The following XDH variants were observed in gnomAD, a reference collection of about 807,000 sequenced individuals.
XDH encodes the protein xanthine dehydrogenase.
A neutral mutation model predicts 156.1 loss-of-function variants in XDH; 138 were observed. That is an observed-to-expected ratio of 0.88 (90% CI 0.77 to 1.02). The LOEUF (loss-of-function observed/expected upper bound fraction) is 1.02, where lower values mean the gene tolerates loss of function less well. XDH is among the 50% of genes least tolerant of loss of function. XDH has a pLI of 0.00. For synonymous variants in XDH, 669 were observed against 625.7 expected, an observed-to-expected ratio of 1.07 and a Z score of -1.03; for missense variants, 1,849 against 1,684.9, an observed-to-expected ratio of 1.10 and a Z score of -1.71.
intron 16 of XDH, 77 bp downstream of exon 16, chr2:31,373,796 A>C: frequency 6.9e-7 from 1 of 1,438,878 alleles, no homozygotes; most frequent in South Asian, 1.2e-5. Context: ...GTTAGTCATT[A>C]GCCGATGGTC....
chr2:31,340,109 C>T (rs1685086587), intron 33 of XDH, among the ~76,000 whole-genome samples: 1 of 152,256 alleles, frequency 6.6e-6, no homozygotes, highest in African/African-American at 2.4e-5. Flanking sequence ...GCCCCCACTG[C>T]AGTTCAGCTT....
At chr2:31,374,680 T>A (rs916382931) in intron 15 of XDH, among the ~76,000 whole-genome samples, 29 of 152,344 alleles carry the variant, frequency 1.9e-4, no homozygotes, top group Admixed American at 1.6e-3. Flanking sequence ...CTGCTGTCCC[T>A]GCATCAGTGA....
Position 31,370,415 on chromosome 2 carries a change from A to G in XDH, c.1920T>C (p.Asp640=). The change falls in exon 18 of 36, where the codon GAT becomes GAC. Residue 640 remains aspartate (D), a synonymous_variant. Transcript: ENST00000379416. ...PGFVCFISAD[D]VPGSNITGIC... ...TTCCAGTTATGTTACTCCCAGGAAC[A>G]TCATCAGCGGAAATGAAACAAACAA... is the stretch of plus-strand genomic sequence containing the variant. The G allele has an allele frequency of 3.7e-6, 6 of 1,614,246 alleles. No individual in the cohort carries two copies. The highest frequency in any genetic ancestry group is 5.1e-6 in the Non-Finnish European group (6 of 1,180,038).
At chr2:31,381,901 G>A (rs901314135) in intron 11 of XDH, among the ~76,000 whole-genome samples, 175 bp from the exon 12 acceptor site, 5 of 152,110 alleles carry the variant, frequency 3.3e-5, no homozygotes, top group Admixed American at 6.5e-5. Context: ...TGAAAAATGC[G>A]CAAAATTTGA....
intron 31 of XDH, among the ~76,000 whole-genome samples, chr2:31,343,262 G>A (rs1001123469): frequency 6.1e-5 from 7 of 115,270 alleles, no homozygotes; most frequent in Non-Finnish European, 1.2e-4. Flanking sequence ...AACCTAGAAA[G>A]CATTGGCAAA....
intron 6 of XDH, among the ~76,000 whole-genome samples, chr2:31,390,277 T>C (rs1167454998): frequency 6.6e-6 from 1 of 152,244 alleles, no homozygotes; most frequent in African/African-American, 2.4e-5. Context: ...AATATGTAGC[T>C]TCTAAAGATT....
chr2:31,382,588 T>C (rs1262815911), intron 11 of XDH, among the ~76,000 whole-genome samples: 3 of 152,172 alleles, frequency 2.0e-5, no homozygotes, highest in Admixed American at 6.5e-5. Context: ...GTTCTCCCTA[T>C]AGCTCTGAAA....
chr2:31,336,814 T>TAAAA (rs1558670495), intron 35 of XDH, among the ~76,000 whole-genome samples: 1 of 2,278 alleles, frequency 4.4e-4, no homozygotes. Flanking sequence ...TATCGAATTT[T>TAAAA]AAAAAGAGAA....
chr2:31,340,537 T>C (rs1314309128), intron 33 of XDH, among the ~76,000 whole-genome samples: 2 of 152,132 alleles, frequency 1.3e-5, no homozygotes, highest in African/African-American at 4.8e-5. Flanking sequence ...TGGTGGGATC[T>C]TGGCTCCCTG....
chr2:31,341,502 G>T, intron 32 of XDH, 108 bp from the exon 33 acceptor site: 1 of 1,165,950 alleles, frequency 8.6e-7, no homozygotes, highest in Non-Finnish European at 1.3e-6. Context: ...CAAAGAGTAC[G>T]TTCCCAAGCA....
intron 4 of XDH, among the ~76,000 whole-genome samples, chr2:31,399,673 A>G (rs747812028): frequency 1.3e-5 from 2 of 152,222 alleles, no homozygotes; most frequent in Non-Finnish European, 2.9e-5. Flanking sequence ...TAACTGAATC[A>G]TGGGGGTGGT....
intron 29 of XDH, 66 bp downstream of exon 29, chr2:31,347,456 G>A (rs1685329893): frequency 1.2e-6 from 2 of 1,609,694 alleles, no homozygotes; most frequent in African/African-American, 2.7e-5. Context: ...TCCCACCCAG[G>A]GAGACTCTCC....
intron 17 of XDH, 76 bp from the exon 18 acceptor site, chr2:31,370,554 G>C: frequency 1.3e-6 from 2 of 1,588,482 alleles, no homozygotes; most frequent in Admixed American, 1.8e-5. Context: ...GGACAACCCT[G>C]TTCTTATTTT....
chr2:31,412,786 T>G (rs1687377610), intron 1 of XDH, among the ~76,000 whole-genome samples: 1 of 152,226 alleles, frequency 6.6e-6, no homozygotes, highest in Non-Finnish European at 1.5e-5. Flanking sequence ...TGCTTGGTCT[T>G]GTTTTTACAG....
intron 1 of XDH, among the ~76,000 whole-genome samples, chr2:31,413,927 G>A (rs191644446): frequency 1.1e-3 from 169 of 152,204 alleles, no homozygotes; most frequent in Middle Eastern, 3.4e-3. Context: ...CTTGTCCAAG[G>A]GCTGGTACCC....
rs895119210 is a variant in XDH, at chr2:31,342,141, T to C, written c.3519+42A>G. On this transcript the variant is annotated intron_variant, in intron 32 of 35. Transcript: ENST00000379416. ...AGGTATTACAACTCAGTTGTTTCTC[T>C]TCTCTTTCCCACTAAGTACTAAAGT... is the stretch of plus-strand genomic sequence containing the variant. 8 of 1,553,420 alleles carry C rather than the reference T, an allele frequency of 5.1e-6. No individual in the cohort carries two copies. The African/African-American group carries it at 1.1e-4, about 21-fold the overall frequency.
intron 1 of XDH, among the ~76,000 whole-genome samples, chr2:31,410,912 T>C (rs953835979): frequency 6.6e-6 from 1 of 152,174 alleles, no homozygotes; most frequent in Non-Finnish European, 1.5e-5. Context: ...AAAATTGGAA[T>C]ACATTTGCAT....
At chr2:31,354,643 A>G (rs764010411) in intron 24 of XDH, among the ~76,000 whole-genome samples, 2 of 152,226 alleles carry the variant, frequency 1.3e-5, no homozygotes, top group Non-Finnish European at 2.9e-5. Context: ...ACCAAAATAA[A>G]TAGCTTATTG....
chr2:31,336,057 T>C, intron 35 of XDH, 49 bp from the exon 36 acceptor site: 1 of 1,595,650 alleles, frequency 6.3e-7, no homozygotes, highest in Non-Finnish European at 8.6e-7. Context: ...CTGATCATGC[T>C]CCTCCCACTC....
Sources: gnomAD v4.1 joint callset for allele counts (sites outside exome capture counted in the v4.1 genomes callset) on GRCh38, gnomAD v4.1.1 for gene constraint, MANE v1.5 for transcripts, NCBI Gene and HGNC (gene_info 2026-07-23, HGNC 2026-07-21) for gene names.